Variants in TBC1D15 observed in about 807,000 individuals in gnomAD.
TBC1D15 encodes the protein TBC1 domain family member 15.
A neutral mutation model predicts 95.4 loss-of-function variants in TBC1D15; 39 were observed. That is an observed-to-expected ratio of 0.41 (90% CI 0.32 to 0.53). The LOEUF (loss-of-function observed/expected upper bound fraction) is 0.53, where lower values mean the gene tolerates loss of function less well. TBC1D15 is among the 20% of genes least tolerant of loss of function. TBC1D15 has a pLI of 0.29. For missense variants in TBC1D15, 733 were observed against 794.3 expected (o/e 0.92, Z 0.93); for synonymous variants, 258 against 261.3 (o/e 0.99, Z 0.12).
intron 14 of TBC1D15, among the ~76,000 whole-genome samples, chr12:71,920,212 T>G (rs1227110094): frequency 6.6e-6 from 1 of 152,176 alleles, no homozygotes; most frequent in Non-Finnish European, 1.5e-5. Flanking sequence ...GGGCAGTTAA[T>G]TCAGTTATTG....
chr12:71,850,764 G>A (rs1022986281), intron 1 of TBC1D15, among the ~76,000 whole-genome samples: 2 of 152,070 alleles, frequency 1.3e-5, no homozygotes, highest in Non-Finnish European at 2.9e-5. Flanking sequence ...CGAGGTGGGT[G>A]GATCGTGAGG....
chr12:71,866,327 A>G (rs1305168302), intron 1 of TBC1D15, among the ~76,000 whole-genome samples: 1 of 152,222 alleles, frequency 6.6e-6, no homozygotes, highest in Non-Finnish European at 1.5e-5. Context: ...GGGGGAGCAC[A>G]GCTATTTAGA....
At chr12:71,861,332 T>G in intron 1 of TBC1D15, 1 of 682,010 alleles carries the variant, frequency 1.5e-6, no homozygotes, top group Non-Finnish European at 2.2e-6. Context: ...AGCCATTGGG[T>G]TTTGGGCTTT....
chr12:71,897,779 C>A (rs1403255043), intron 9 of TBC1D15, 68 bp from the exon 10 acceptor site: 4 of 1,169,292 alleles, frequency 3.4e-6, no homozygotes, highest in Non-Finnish European at 5.1e-6. Flanking sequence ...TATAGAAAAA[C>A]CCAATTAAAC....
chr12:71,884,987 A>G lies in TBC1D15; in HGVS notation c.520A>G (p.Ile174Val), dbSNP rs761737005. 6.2e-7 allele frequency: 1 copy of G among 1,613,856 alleles called. No homozygotes were observed. The highest frequency in any genetic ancestry group is 8.5e-7 in the Non-Finnish European group (1 of 1,179,822). The change falls in exon 5 of 17, where the codon ATT (isoleucine) becomes GTT (valine). Residue 174 changes from isoleucine (I) to valine (V), a missense_variant. Physicochemically the swap from Ile to Val is conservative, Grantham distance 29. Transcript: ENST00000485960. ...HFHQGDSKLL[I>V]ESLEKYVVLC... ...TCATCAAGGAGATAGCAAACTACTGATTGAATCTCTTGAAAAATATGTGGT... is the reference window on the plus strand; with the variant it reads ...TCATCAAGGAGATAGCAAACTACTGGTTGAATCTCTTGAAAAATATGTGGT...
intron 11 of TBC1D15, chr12:71,907,996 C>T (rs1316575387): frequency 6.6e-6 from 1 of 152,280 alleles, no homozygotes; most frequent in Non-Finnish European, 1.5e-5. Context: ...CATGGTGAAA[C>T]CCCATCTCTA....
Position 71,923,855 on chromosome 12 carries a change from AAGGTT to A in TBC1D15, c.*655_*659del, listed in dbSNP as rs747305621. The A allele has an allele frequency of 9.2e-5, 14 of 152,584 alleles. No individual in the cohort carries two copies. Among genetic ancestry groups the A allele is most frequent in the Admixed American group, 2.6e-4 (4 of 15,284 alleles). 9.5% of individuals were successfully genotyped at this position (152,584 alleles called of 1,614,324 possible). ...TAAGTACTTATTTATGAGTATAAGA[AAGGTT>A]AGGCATATTTTCATTAACTGAATAA... On this transcript the variant is annotated 3_prime_UTR_variant, in exon 17 of 17. Transcript: ENST00000485960.
At chr12:71,858,549 TTC>T (rs1225027195) in intron 1 of TBC1D15, among the ~76,000 whole-genome samples, 6 of 149,396 alleles carry the variant, frequency 4.0e-5, no homozygotes, top group African/African-American at 1.3e-4. Flanking sequence ...TAATTTTTTT[TTC>T]TTTTTCTTTT....
intron 6 of TBC1D15, chr12:71,894,327 A>G (rs766431083): frequency 1.9e-6 from 3 of 1,612,516 alleles, no homozygotes; most frequent in African/African-American, 1.3e-5. Flanking sequence ...GTATGAAGGC[A>G]GGACTGCTAG....
chr12:71,908,363 T>C (rs1213385739), intron 11 of TBC1D15, among the ~76,000 whole-genome samples: 1 of 152,226 alleles, frequency 6.6e-6, no homozygotes, highest in Admixed American at 6.5e-5. Flanking sequence ...GTTTGACTTA[T>C]CTGCTATGTG....
intron 1 of TBC1D15, among the ~76,000 whole-genome samples, chr12:71,869,678 T>C (rs1892254742): frequency 6.6e-6 from 1 of 152,158 alleles, no homozygotes; most frequent in African/African-American, 2.4e-5. Flanking sequence ...ATGTACAACA[T>C]GCAGACTAAA....
chr12:71,858,657 C>T (rs981310862), intron 1 of TBC1D15, among the ~76,000 whole-genome samples: 2 of 150,132 alleles, frequency 1.3e-5, no homozygotes, highest in South Asian at 4.2e-4. Flanking sequence ...TGGGTTCAGG[C>T]AGTTCTCCTA....
At chr12:71,898,131 GTTTA>G (rs1566037695) in intron 10 of TBC1D15, among the ~76,000 whole-genome samples, 190 bp downstream of exon 10, 2 of 152,028 alleles carry the variant, frequency 1.3e-5, no homozygotes, top group African/African-American at 2.4e-5. Flanking sequence ...AATTCAGTAA[GTTTA>G]TTTATAAGTG....
chr12:71,911,404 A>C (rs1374753964), intron 11 of TBC1D15, among the ~76,000 whole-genome samples: 1 of 152,058 alleles, frequency 6.6e-6, no homozygotes, highest in Admixed American at 6.6e-5. Flanking sequence ...CTGGATTAAG[A>C]AAATGTGGCA....
intron 3 of TBC1D15, among the ~76,000 whole-genome samples, chr12:71,875,551 C>T (rs937675228): frequency 2.6e-5 from 4 of 151,440 alleles, no homozygotes; most frequent in Non-Finnish European, 2.9e-5. Flanking sequence ...TTTCTTCCTC[C>T]CTTTCCCTAC....
intron 5 of TBC1D15, among the ~76,000 whole-genome samples, chr12:71,887,288 A>C (rs1896423582): frequency 6.6e-6 from 1 of 152,204 alleles, no homozygotes; most frequent in Admixed American, 6.5e-5. Context: ...TACAGAATAG[A>C]AAATACTATT....
intron 13 of TBC1D15, 42 bp from the exon 14 acceptor site, chr12:71,918,409 G>C: frequency 3.2e-6 from 4 of 1,240,170 alleles, no homozygotes; most frequent in Non-Finnish European, 4.6e-6. Context: ...GACATAATTA[G>C]CATAAGAGTA....
At chr12:71,844,205 G>A (rs948724331) in intron 1 of TBC1D15, among the ~76,000 whole-genome samples, 1 of 152,126 alleles carries the variant, frequency 6.6e-6, no homozygotes, top group Non-Finnish European at 1.5e-5. Flanking sequence ...GCAGCTGTTC[G>A]TTCTTGGCCC....
chr12:71,904,045 G>A (rs1900087491), intron 10 of TBC1D15, among the ~76,000 whole-genome samples: 1 of 152,096 alleles, frequency 6.6e-6, no homozygotes, highest in Non-Finnish European at 1.5e-5. Context: ...AATTGCCAAG[G>A]GAGTAGTACA....
Sources: gnomAD v4.1 joint callset for allele counts (sites outside exome capture counted in the v4.1 genomes callset) on GRCh38, gnomAD v4.1.1 for gene constraint, MANE v1.5 for transcripts, NCBI Gene and HGNC (gene_info 2026-07-23, HGNC 2026-07-21) for gene names.